The following FOXP1 variants were observed in gnomAD, a reference collection of about 807,000 sequenced individuals.
FOXP1 encodes forkhead box protein P1.
A neutral mutation model predicts 98.2 loss-of-function variants in FOXP1; 15 were observed. That is an observed-to-expected ratio of 0.15 (90% CI 0.10 to 0.24). FOXP1 has a LOEUF of 0.24. Among genes scored for constraint, FOXP1 ranks in the 10% least tolerant of loss-of-function variants. The pLI, the probability that FOXP1 is intolerant of heterozygous loss-of-function variation, is 1.00. For synonymous variants in FOXP1, 371 were observed against 314.5 expected (o/e 1.18, Z -1.90); for missense variants, 633 against 848.5 (o/e 0.75, Z 3.15).
At chr3:71,230,619 A>C (rs2066210536) in intron 5 of FOXP1, among the ~76,000 whole-genome samples, 1 of 152,230 alleles carries the variant, frequency 6.6e-6, no homozygotes, top group Non-Finnish European at 1.5e-5. Context: ...CAACATCTAA[A>C]GTCTGCTAAG....
At chr3:71,187,428 A>G (rs1328501721) in intron 6 of FOXP1, among the ~76,000 whole-genome samples, 1 of 152,080 alleles carries the variant, frequency 6.6e-6, no homozygotes, top group Admixed American at 6.6e-5. Flanking sequence ...TCTACTAAAA[A>G]TACAAAATTG....
At chr3:71,458,189 C>A (rs897438808) in intron 3 of FOXP1, among the ~76,000 whole-genome samples, 2 of 152,206 alleles carry the variant, frequency 1.3e-5, no homozygotes, top group East Asian at 3.8e-4. Flanking sequence ...CTCCAACAAT[C>A]AAAAACATTG....
chr3:71,289,921 A>G (rs1446847658), intron 5 of FOXP1: 1 of 152,274 alleles, frequency 6.6e-6, no homozygotes, highest in Non-Finnish European at 1.5e-5. Context: ...CCAGAGTCAG[A>G]ACCCAGATCC....
At chr3:71,444,437 G>A (rs769430209) in intron 3 of FOXP1, among the ~76,000 whole-genome samples, 1 of 150,628 alleles carries the variant, frequency 6.6e-6, no homozygotes, top group African/African-American at 2.5e-5. Context: ...GCAAGAAACC[G>A]CATCCTGAAC....
At chr3:71,109,627 G>C (rs1472270432) in intron 7 of FOXP1, among the ~76,000 whole-genome samples, 1 of 152,190 alleles carries the variant, frequency 6.6e-6, no homozygotes, top group Non-Finnish European at 1.5e-5. Flanking sequence ...AGACGCCTCA[G>C]CAAGGATGCA....
intron 19 of FOXP1, among the ~76,000 whole-genome samples, chr3:70,968,134 C>T (rs550283699): frequency 3.9e-5 from 6 of 152,172 alleles, no homozygotes; most frequent in African/African-American, 7.2e-5. Flanking sequence ...AGTAGTGAAA[C>T]GCATACAAAG....
At chr3:71,114,019 C>T (rs2058161372) in intron 6 of FOXP1, among the ~76,000 whole-genome samples, 1 of 152,082 alleles carries the variant, frequency 6.6e-6, no homozygotes, top group South Asian at 2.1e-4. Context: ...AAACGATGTG[C>T]TTAGAGTTTA....
At chr3:71,397,004 ATGTG>A (rs1226082403) in intron 3 of FOXP1, among the ~76,000 whole-genome samples, 1 of 64,654 alleles carries the variant, frequency 1.5e-5, no homozygotes, top group African/African-American at 7.6e-5. Context: ...ACACATATAT[ATGTG>A]TATATATATA....
rs151162322 is a variant in FOXP1 at position 71,126,361 on chromosome 3, C to T, written c.181-13724G>A. On this transcript the variant is annotated intron_variant, in intron 6 of 20. Transcript: ENST00000649528. ...AAAATTAGCCAGGCGTGGTGGCAGG[C>T]GCCTGTAGTCCCAGCTACTCTGGAG... Among the ~76,000 whole-genome samples, 11 of 151,202 alleles carry T rather than the reference C, an allele frequency of 7.3e-5. No individual in the cohort carries two copies. The South Asian group carries it at 1.7e-3, about 23-fold the overall frequency.
chr3:71,026,587 T>A (rs1304442260), intron 11 of FOXP1, among the ~76,000 whole-genome samples: 1 of 152,202 alleles, frequency 6.6e-6, no homozygotes, highest in African/African-American at 2.4e-5. Flanking sequence ...TTTAAGGGCA[T>A]CTCATTTGTA....
intron 5 of FOXP1, among the ~76,000 whole-genome samples, chr3:71,218,509 C>T (rs1349315881): frequency 6.6e-6 from 1 of 152,212 alleles, no homozygotes; most frequent in Non-Finnish European, 1.5e-5. Context: ...TCTGCTCATT[C>T]TTCAATATTG....
At chr3:71,411,093 A>C (rs752195259) in intron 3 of FOXP1, among the ~76,000 whole-genome samples, 1 of 152,234 alleles carries the variant, frequency 6.6e-6, no homozygotes, top group Non-Finnish European at 1.5e-5. Flanking sequence ...AACAGGATAT[A>C]AAATAACTTT....
At chr3:71,004,087 A>C (rs1247463382) in intron 12 of FOXP1, among the ~76,000 whole-genome samples, 2 of 74,962 alleles carry the variant, frequency 2.7e-5, no homozygotes, top group Admixed American at 2.9e-4. Context: ...GGAACCCTAC[A>C]TCCCCCCCCA....
chr3:71,156,726 C>T (rs1021295689), intron 6 of FOXP1, among the ~76,000 whole-genome samples: 7 of 152,078 alleles, frequency 4.6e-5, no homozygotes, highest in African/African-American at 1.7e-4. Flanking sequence ...GATTTTAGTG[C>T]CCAAAGGCTA....
At chr3:71,374,549 C>T (rs185139681) in intron 3 of FOXP1, among the ~76,000 whole-genome samples, 38 of 151,518 alleles carry the variant, frequency 2.5e-4, no homozygotes, top group Middle Eastern at 3.4e-3. Flanking sequence ...GCCAAGAGTG[C>T]GCCACTAAAC....
chr3:71,560,406 A>G (rs2046447572), intron 2 of FOXP1, among the ~76,000 whole-genome samples: 1 of 152,220 alleles, frequency 6.6e-6, no homozygotes, highest in Non-Finnish European at 1.5e-5. Flanking sequence ...TTTCAAAAAC[A>G]AAAGTAGTGA....
At chr3:71,099,818 AC>A (rs1160829183) in intron 7 of FOXP1, among the ~76,000 whole-genome samples, 5 of 152,056 alleles carry the variant, frequency 3.3e-5, no homozygotes, top group Admixed American at 6.5e-5. Context: ...CCAAAACTCA[AC>A]CATGCAGCTG....
chr3:71,114,573 G>A (rs933975823), intron 6 of FOXP1, among the ~76,000 whole-genome samples: 1 of 152,196 alleles, frequency 6.6e-6, no homozygotes, highest in Non-Finnish European at 1.5e-5. Context: ...AAGACCATGG[G>A]AAAGTGGAAC....
At chr3:71,121,383 G>GT (rs915229231) in intron 6 of FOXP1, among the ~76,000 whole-genome samples, 2 of 151,606 alleles carry the variant, frequency 1.3e-5, no homozygotes, top group African/African-American at 4.8e-5. Context: ...AAAAAAAGGG[G>GT]GGGGGGATAT....
Sources: gnomAD v4.1 joint callset for allele counts (sites outside exome capture counted in the v4.1 genomes callset) on GRCh38, gnomAD v4.1.1 for gene constraint, MANE v1.5 for transcripts, NCBI Gene and HGNC (gene_info 2026-07-23, HGNC 2026-07-21) for gene names.